The following NLGN1 variants were observed in gnomAD, a reference collection of about 807,000 sequenced individuals.
NLGN1 encodes the protein neuroligin-1.
Under a neutral mutation model 65.5 loss-of-function variants are expected in NLGN1, and 12 were observed. The observed-to-expected ratio is 0.18, with a 90% CI of 0.12 to 0.30. The LOEUF is 0.30. Among genes scored for constraint, NLGN1 ranks in the 10% least tolerant of loss-of-function variants. NLGN1 has a pLI of 1.00. For missense variants in NLGN1, 750 were observed against 1,007.1 expected (o/e 0.74, Z 3.46); for synonymous variants, 350 against 359.5 (o/e 0.97, Z 0.30).
At chr3:173,509,604 A>G (rs1377726468) in intron 2 of NLGN1, among the ~76,000 whole-genome samples, 1 of 152,162 alleles carries the variant, frequency 6.6e-6, no homozygotes, top group Non-Finnish European at 1.5e-5. Context: ...GGGTGATGGG[A>G]GCGAGACCCT....
intron 4 of NLGN1, among the ~76,000 whole-genome samples, chr3:174,173,694 GTGTGTGTGTGTATGTT>G (rs1362471006): frequency 1.3e-5 from 2 of 150,742 alleles, no homozygotes; most frequent in South Asian, 2.1e-4. Context: ...AAGATCTTTT[GTGTGTGTGTGTATGTT>G]TGTGTGTGTG....
chr3:174,156,395 A>C (rs1725439384), intron 4 of NLGN1, among the ~76,000 whole-genome samples: 1 of 151,658 alleles, frequency 6.6e-6, no homozygotes, highest in East Asian at 1.9e-4. Flanking sequence ...TTTTGACCTA[A>C]TGTTTTGCTT....
At chr3:173,878,597 C>T (rs1277279485) in intron 4 of NLGN1, among the ~76,000 whole-genome samples, 2 of 149,936 alleles carry the variant, frequency 1.3e-5, no homozygotes, top group East Asian at 1.9e-4. Flanking sequence ...ATGCATTTAT[C>T]TGTCTTTTAT....
chr3:173,674,885 C>T (rs547657303), intron 3 of NLGN1, among the ~76,000 whole-genome samples: 2 of 151,938 alleles, frequency 1.3e-5, no homozygotes, highest in African/African-American at 2.4e-5. Context: ...GATTCTGTAA[C>T]TGTAGTAATA....
At chr3:174,127,680 G>A (rs1577013602) in intron 4 of NLGN1, among the ~76,000 whole-genome samples, 1 of 152,078 alleles carries the variant, frequency 6.6e-6, no homozygotes, top group Admixed American at 6.5e-5. Context: ...CACGTAGCAG[G>A]TACTTAATAG....
At chr3:174,104,307 T>G (rs1422791772) in intron 4 of NLGN1, among the ~76,000 whole-genome samples, 3 of 152,166 alleles carry the variant, frequency 2.0e-5, no homozygotes. Context: ...TCAAAGCCAT[T>G]TTACTCAAAT....
At chr3:174,220,419 G>C (rs1738418935) in intron 4 of NLGN1, among the ~76,000 whole-genome samples, 1 of 152,118 alleles carries the variant, frequency 6.6e-6, no homozygotes, top group African/African-American at 2.4e-5. Flanking sequence ...TATAACTAGA[G>C]CTAACGTGGT....
chr3:173,858,459 C>G (rs976029396), intron 4 of NLGN1, among the ~76,000 whole-genome samples: 1 of 151,894 alleles, frequency 6.6e-6, no homozygotes, highest in Non-Finnish European at 1.5e-5. Flanking sequence ...AGTAATCAAG[C>G]CTATGTAGGT....
At chr3:173,856,290 A>G (rs28493659) in intron 4 of NLGN1, among the ~76,000 whole-genome samples, 8,544 of 152,106 alleles carry the variant, frequency 0.056, 537 homozygotes, top group African/African-American at 0.16. Flanking sequence ...GTTTTACTAT[A>G]TATTAACTAC....
intron 4 of NLGN1, among the ~76,000 whole-genome samples, chr3:173,933,294 A>C (rs1744458069): frequency 6.6e-6 from 1 of 152,108 alleles, no homozygotes; most frequent in Non-Finnish European, 1.5e-5. Context: ...CTCATTGTGG[A>C]GAGAAGGGCT....
At chr3:173,722,275 G>T (rs1307008585) in intron 3 of NLGN1, among the ~76,000 whole-genome samples, 1 of 109,554 alleles carries the variant, frequency 9.1e-6, no homozygotes, top group Non-Finnish European at 1.7e-5. Flanking sequence ...ACAGAGTCTT[G>T]CTCTGTTGCT....
chr3:174,278,766 G>A (rs927891311), intron 5 of NLGN1, 95 bp from the exon 6 acceptor site: 12 of 1,014,114 alleles, frequency 1.2e-5, no homozygotes, highest in Non-Finnish European at 1.6e-5. Context: ...AGCTGTATCT[G>A]GGTTTTTATA....
intron 4 of NLGN1, among the ~76,000 whole-genome samples, chr3:174,175,590 A>G (rs1729298635): frequency 6.6e-6 from 1 of 151,888 alleles, no homozygotes; most frequent in Non-Finnish European, 1.5e-5. Context: ...TATTGCATGG[A>G]AAACTGTCAT....
intron 3 of NLGN1, among the ~76,000 whole-genome samples, chr3:173,662,532 A>G (rs897720904): frequency 6.6e-6 from 1 of 152,056 alleles, no homozygotes; most frequent in Non-Finnish European, 1.5e-5. Context: ...CATTTGAAGT[A>G]TCTGTGTATT....
At chr3:174,229,846 CTTTTTA>C (rs748879964) in intron 4 of NLGN1, among the ~76,000 whole-genome samples, 37 of 152,100 alleles carry the variant, frequency 2.4e-4, no homozygotes, top group Non-Finnish European at 4.1e-4. Flanking sequence ...AAGCCTCTTG[CTTTTTA>C]TTGACTGTGT....
rs1771777073 is a variant in NLGN1, at chr3:173,726,358, G to A, written c.494-81322G>A. On this transcript the variant is annotated intron_variant, in intron 3 of 6. Coordinates refer to ENST00000457714, the Ensembl canonical transcript of NLGN1. ...ACTTTCTGTTTTATCATGGGAATAC[G>A]GCAAGGTAATTAATCTATCATTACC... 3.3e-5 allele frequency among the ~76,000 whole-genome samples: 5 copies of A among 151,744 alleles called. No individual in the cohort carries two copies. In the South Asian group the frequency reaches 8.3e-4, roughly 25 times the overall value.
chr3:173,590,556 G>T (rs1748306842), intron 2 of NLGN1, among the ~76,000 whole-genome samples: 1 of 152,090 alleles, frequency 6.6e-6, no homozygotes, highest in Non-Finnish European at 1.5e-5. Flanking sequence ...ATCGCCTAGA[G>T]AACAGTACCT....
intron 4 of NLGN1, among the ~76,000 whole-genome samples, chr3:173,965,795 C>G (rs1714722662): frequency 6.6e-6 from 1 of 151,984 alleles, no homozygotes; most frequent in South Asian, 2.1e-4. Context: ...ATTTGCCACA[C>G]TAAAGGAGCT....
chr3:174,275,110 G>A (rs923391760), intron 4 of NLGN1, among the ~76,000 whole-genome samples: 6 of 151,678 alleles, frequency 4.0e-5, no homozygotes, highest in Admixed American at 4.0e-4. Flanking sequence ...AGGCATTTGG[G>A]GAAGATAAAT....
Sources: allele counts gnomAD v4.1 joint callset (sites outside exome capture counted in the v4.1 genomes callset), GRCh38; gene constraint gnomAD v4.1.1; transcripts MANE v1.5; gene names NCBI Gene and HGNC (gene_info 2026-07-23, HGNC 2026-07-21).